The following PTPRD variants were observed in gnomAD, a reference collection of about 807,000 sequenced individuals.
The protein encoded by PTPRD is protein tyrosine phosphatase receptor type D, also known as receptor-type tyrosine-protein phosphatase delta.
PTPRD carries 34 observed loss-of-function variants against 214.5 expected under a neutral mutation model. The observed-to-expected ratio is 0.16, with a 90% CI of 0.12 to 0.21. The LOEUF is 0.21. Ranked by LOEUF, PTPRD falls within the 10% of genes least tolerant of loss-of-function variation. The pLI is 1.00. For synonymous variants in PTPRD, 1,128 were observed against 845.7 expected (o/e 1.33, Z -5.79); for missense variants, 2,545 against 2,398.7 (o/e 1.06, Z -1.27).
chr9:8,365,108 A>C (rs10976995), intron 39 of PTPRD, among the ~76,000 whole-genome samples: 1 of 151,962 alleles, frequency 6.6e-6, no homozygotes, highest in Non-Finnish European at 1.5e-5. Flanking sequence ...CATTGGCCTA[A>C]TTTTGTTTTC....
At chr9:9,046,191 G>A (rs979484459) in intron 10 of PTPRD, among the ~76,000 whole-genome samples, 3 of 152,130 alleles carry the variant, frequency 2.0e-5, no homozygotes, top group African/African-American at 7.2e-5. Flanking sequence ...CACACTTCAT[G>A]CCTCAACTCC....
chr9:9,939,656 C>T (rs574274241), intron 4 of PTPRD, among the ~76,000 whole-genome samples: 1 of 152,120 alleles, frequency 6.6e-6, no homozygotes, highest in Non-Finnish European at 1.5e-5. Flanking sequence ...CCTGGTAACA[C>T]CCTCTGTGAA....
intron 10 of PTPRD, among the ~76,000 whole-genome samples, chr9:9,023,648 A>C (rs2099576961): frequency 6.6e-6 from 1 of 151,972 alleles, no homozygotes; most frequent in Non-Finnish European, 1.5e-5. Flanking sequence ...TTTTCAGCTC[A>C]CATCCCCCGC....
At chr9:9,578,994 G>T (rs969677579) in intron 7 of PTPRD, among the ~76,000 whole-genome samples, 2 of 152,028 alleles carry the variant, frequency 1.3e-5, no homozygotes, top group African/African-American at 2.4e-5. Context: ...ATAAAACTGA[G>T]CTATAAGTAT....
intron 4 of PTPRD, among the ~76,000 whole-genome samples, chr9:9,990,544 C>T (rs1442781615): frequency 6.6e-6 from 1 of 152,210 alleles, no homozygotes; most frequent in Non-Finnish European, 1.5e-5. Flanking sequence ...CGGAAGTAAG[C>T]TGTGCACACT....
intron 3 of PTPRD, among the ~76,000 whole-genome samples, chr9:10,286,312 T>C (rs986585773): frequency 1.3e-5 from 2 of 152,104 alleles, no homozygotes; most frequent in African/African-American, 2.4e-5. Flanking sequence ...CATAGTGATA[T>C]GTGCCTGCAG....
chr9:8,823,786 C>G (rs74386447), intron 11 of PTPRD, among the ~76,000 whole-genome samples: 1 of 151,936 alleles, frequency 6.6e-6, no homozygotes, highest in African/African-American at 2.4e-5. Context: ...GGATTTTGCG[C>G]GAGAAAAGAT....
At chr9:10,100,699 G>T (rs1252992739) in intron 3 of PTPRD, among the ~76,000 whole-genome samples, 1 of 151,626 alleles carries the variant, frequency 6.6e-6, no homozygotes, top group Non-Finnish European at 1.5e-5. Flanking sequence ...AGATTGGGAA[G>T]TAAGAAGAAT....
chr9:8,328,899 A>G (rs1373392397), intron 44 of PTPRD, among the ~76,000 whole-genome samples: 1 of 151,844 alleles, frequency 6.6e-6, no homozygotes, highest in African/African-American at 2.4e-5. Context: ...GTTTTTCTCT[A>G]AACTGCTTAT....
chr9:10,494,257 T>C (rs143988324), intron 2 of PTPRD, among the ~76,000 whole-genome samples: 1,525 of 151,996 alleles, frequency 0.01, 11 homozygotes, highest in Admixed American at 0.013. Flanking sequence ...TCTTTTCTAA[T>C]CAAAACACTT....
At chr9:9,233,376 T>C (rs1055440694) in intron 9 of PTPRD, among the ~76,000 whole-genome samples, 10 of 152,112 alleles carry the variant, frequency 6.6e-5, no homozygotes, top group Admixed American at 2.0e-4. Flanking sequence ...TTCCACAACA[T>C]GTGGAAATTA....
chr9:9,006,048 A>C (rs2099463703), intron 11 of PTPRD, among the ~76,000 whole-genome samples: 1 of 151,998 alleles, frequency 6.6e-6, no homozygotes, highest in Non-Finnish European at 1.5e-5. Flanking sequence ...TTTGATATTC[A>C]TAGAACAAAA....
intron 3 of PTPRD, among the ~76,000 whole-genome samples, chr9:10,322,437 C>T (rs1334685024): frequency 6.6e-6 from 1 of 151,994 alleles, no homozygotes. Context: ...AAGGATTTTT[C>T]TGTTGTCTTG....
chr9:9,763,670 G>A (rs201810852), intron 6 of PTPRD, among the ~76,000 whole-genome samples: 1 of 151,968 alleles, frequency 6.6e-6, no homozygotes, highest in Non-Finnish European at 1.5e-5. Context: ...AAGTAAAAGG[G>A]TTCAGCTCCC....
chr9:9,668,312 G>T (rs142467549), intron 7 of PTPRD, among the ~76,000 whole-genome samples: 1 of 151,978 alleles, frequency 6.6e-6, no homozygotes, highest in African/African-American at 2.4e-5. Context: ...GCAAGTCTTC[G>T]CATTTCCTCT....
chr9:8,977,222 C>T (rs552328415), intron 11 of PTPRD, among the ~76,000 whole-genome samples: 18 of 151,922 alleles, frequency 1.2e-4, no homozygotes, highest in Non-Finnish European at 2.9e-5. Context: ...ACTAATTTAC[C>T]GTCTTCAAAT....
At chr9:10,381,337 G>T (rs571335676) in intron 2 of PTPRD, among the ~76,000 whole-genome samples, 1 of 151,942 alleles carries the variant, frequency 6.6e-6, no homozygotes, top group Non-Finnish European at 1.5e-5. Context: ...GCAATAGCAG[G>T]TATTCATTTA....
chr9:10,299,055 G>A (rs1483315996), intron 3 of PTPRD, among the ~76,000 whole-genome samples: 1 of 152,058 alleles, frequency 6.6e-6, no homozygotes, highest in Non-Finnish European at 1.5e-5. Flanking sequence ...ATTGTAGAGT[G>A]TCTGATAATG....
chr9:9,335,124 A>G (rs1054010141), intron 9 of PTPRD, among the ~76,000 whole-genome samples: 2 of 151,992 alleles, frequency 1.3e-5, no homozygotes, highest in African/African-American at 4.8e-5. Context: ...ATCAACTGAA[A>G]ATTTGGTTTT....
Sources: gnomAD v4.1 joint callset for allele counts (sites outside exome capture counted in the v4.1 genomes callset) on GRCh38, gnomAD v4.1.1 for gene constraint, MANE v1.5 for transcripts, NCBI Gene and HGNC (gene_info 2026-07-23, HGNC 2026-07-21) for gene names.